DGKB: variants seen among roughly 807,000 people sequenced by gnomAD.
The protein encoded by DGKB is 90 kDa diacylglycerol kinase.
In DGKB, 67 loss-of-function variants were observed where a neutral mutation model predicts 114.3. The observed-to-expected ratio is 0.59, with a 90% CI of 0.48 to 0.72. The LOEUF is 0.72. Among genes scored for constraint, DGKB ranks in the 30% least tolerant of loss-of-function variants. The pLI, the probability that DGKB is intolerant of heterozygous loss-of-function variation, is 0.00. For synonymous variants in DGKB, 398 were observed against 323.1 expected, an observed-to-expected ratio of 1.23 and a Z score of -2.49; for missense variants, 907 against 975.2, an observed-to-expected ratio of 0.93 and a Z score of 0.93.
At chr7:14,231,082 C>CCTTTCTTTCTCTTT in intron 23 of DGKB, among the ~76,000 whole-genome samples, 1 of 121,874 alleles carries the variant, frequency 8.2e-6, no homozygotes, top group South Asian at 2.7e-4. Context: ...TTCTTCTTTC[C>CCTTTCTTTCTCTTT]CTTTCTTTCT....
In DGKB at chr7:14,145,989, A is replaced by C. The variant is rs1298130555; in HGVS notation, c.*3142T>G. ...TATGTGATTCATTAGCCCTCACTGGATTTAAATTTCTGTCTGCAGTAGACT... is the reference window on the plus strand; with the variant it reads ...TATGTGATTCATTAGCCCTCACTGGCTTTAAATTTCTGTCTGCAGTAGACT... On this transcript the variant is annotated 3_prime_UTR_variant, in exon 26 of 26. Transcript: ENST00000402815. 6.6e-6 allele frequency: 1 copy of C among 152,228 alleles called. No homozygotes were observed. Among genetic ancestry groups the C allele is most frequent in the Admixed American group, 6.5e-5 (1 of 15,288 alleles). The allele number at this position is 152,228 out of a possible 1,614,324, so 9.4% of individuals were successfully genotyped here.
At chr7:14,550,275 T>G (rs1403312220) in intron 20 of DGKB, among the ~76,000 whole-genome samples, 1 of 151,506 alleles carries the variant, frequency 6.6e-6, no homozygotes, top group Non-Finnish European at 1.5e-5. Flanking sequence ...TACTAAGGAG[T>G]TTAGTGTGAC....
chr7:14,546,708 C>T (rs1794346079), intron 20 of DGKB, among the ~76,000 whole-genome samples: 1 of 152,070 alleles, frequency 6.6e-6, no homozygotes, highest in Non-Finnish European at 1.5e-5. Context: ...ACTGTTGGGA[C>T]CCAGCTAGAA....
intron 13 of DGKB, among the ~76,000 whole-genome samples, chr7:14,635,735 G>A (rs1810625266): frequency 6.6e-6 from 1 of 151,346 alleles, no homozygotes; most frequent in African/African-American, 2.4e-5. Flanking sequence ...GGGATCTGAG[G>A]GAAGTTGGTA....
chr7:14,207,236 T>C (rs375074656), intron 23 of DGKB, among the ~76,000 whole-genome samples: 1 of 152,100 alleles, frequency 6.6e-6, no homozygotes, highest in African/African-American at 2.4e-5. Flanking sequence ...ACCTGATCCC[T>C]CAGACTGTAA....
At chr7:14,643,185 T>C (rs1362490345) in intron 13 of DGKB, among the ~76,000 whole-genome samples, 9 of 152,180 alleles carry the variant, frequency 5.9e-5, no homozygotes, top group African/African-American at 1.7e-4. Context: ...AGGATCAGCA[T>C]AGAGGCAGGA....
intron 1 of DGKB, among the ~76,000 whole-genome samples, chr7:14,948,768 A>G (rs1343319784): frequency 1.3e-5 from 2 of 151,906 alleles, no homozygotes; most frequent in Non-Finnish European, 2.9e-5. Flanking sequence ...AGGAGAATCA[A>G]CAAAAACATT....
chr7:14,619,103 C>T (rs1247684709), intron 15 of DGKB, among the ~76,000 whole-genome samples: 1 of 151,188 alleles, frequency 6.6e-6, no homozygotes, highest in South Asian at 2.1e-4. Flanking sequence ...GTCCTTTCTG[C>T]TGAGGTACAA....
intron 20 of DGKB, among the ~76,000 whole-genome samples, chr7:14,573,387 T>C (rs1490532902): frequency 6.6e-6 from 1 of 152,020 alleles, no homozygotes; most frequent in Non-Finnish European, 1.5e-5. Flanking sequence ...TTAAAGACTT[T>C]TACCCAGGTA....
intron 2 of DGKB, among the ~76,000 whole-genome samples, chr7:14,788,799 G>A (rs539681192): frequency 8.5e-5 from 13 of 152,112 alleles, no homozygotes; most frequent in African/African-American, 2.4e-4. Context: ...CTCGGGATTC[G>A]TGAGTGCAAC....
At chr7:14,398,748 C>T (rs1822631547) in intron 21 of DGKB, among the ~76,000 whole-genome samples, 1 of 150,942 alleles carries the variant, frequency 6.6e-6, no homozygotes. Context: ...CTGGAGTCAT[C>T]TATGAAGTAA....
chr7:14,574,199 T>G lies in DGKB; in HGVS notation c.1770+13A>C, dbSNP rs781514201. 1.8e-5 allele frequency: 29 copies of G among 1,607,622 alleles called. No homozygotes were observed. The Admixed American group carries it at 4.9e-4, about 27-fold the overall frequency. On this transcript the variant is annotated intron_variant, in intron 20 of 25. Coordinates refer to ENST00000402815, the MANE Select transcript of DGKB (RefSeq NM_001350709.2). The stretch of plus-strand genomic sequence containing the variant: ...GTACAGGTACAAAGGTAAAATTTAG[T>G]GGAGAATCTTACCACGCCAATGGAA...
At chr7:14,734,019 A>ATGTG (rs1831322574) in intron 5 of DGKB, among the ~76,000 whole-genome samples, 1 of 113,768 alleles carries the variant, frequency 8.8e-6, no homozygotes, top group Non-Finnish European at 1.8e-5. Flanking sequence ...CTATACCAAC[A>ATGTG]CGTGTGTGTG....
At chr7:14,826,828 A>G (rs773988465) in intron 2 of DGKB, among the ~76,000 whole-genome samples, 5 of 152,180 alleles carry the variant, frequency 3.3e-5, no homozygotes. Context: ...TAAGCTCTTT[A>G]TAAGTGTTAG....
chr7:14,326,201 C>G (rs1252590792), intron 23 of DGKB, among the ~76,000 whole-genome samples: 1 of 151,894 alleles, frequency 6.6e-6, no homozygotes, highest in Non-Finnish European at 1.5e-5. Context: ...CTATTAGCAG[C>G]TGCTAAGTGG....
chr7:14,968,475 A>G (rs1462374726), intron 1 of DGKB, among the ~76,000 whole-genome samples: 1 of 152,154 alleles, frequency 6.6e-6, no homozygotes, highest in Non-Finnish European at 1.5e-5. Context: ...ACAATTTAAT[A>G]AGTTCTTTGA....
chr7:14,302,524 T>C (rs780595585), intron 23 of DGKB, among the ~76,000 whole-genome samples: 21 of 152,082 alleles, frequency 1.4e-4, no homozygotes, highest in African/African-American at 1.7e-4. Flanking sequence ...CCCGGCCCCA[T>C]TGCTCGTTTT....
At chr7:14,641,784 G>C (rs909660186) in intron 13 of DGKB, among the ~76,000 whole-genome samples, 2 of 151,104 alleles carry the variant, frequency 1.3e-5, no homozygotes, top group Non-Finnish European at 2.9e-5. Context: ...AAGACTTTTT[G>C]TTAGAATAAG....
intron 4 of DGKB, among the ~76,000 whole-genome samples, chr7:14,747,750 G>C (rs967522799): frequency 3.5e-5 from 4 of 113,834 alleles, no homozygotes; most frequent in Admixed American, 9.2e-5. Context: ...AAATTGAATT[G>C]CTGTGGGCTC....
Sources: gnomAD v4.1 joint callset for allele counts (sites outside exome capture counted in the v4.1 genomes callset) on GRCh38, gnomAD v4.1.1 for gene constraint, MANE v1.5 for transcripts, NCBI Gene and HGNC (gene_info 2026-07-23, HGNC 2026-07-21) for gene names.